The following ANKRD26 variants were observed in gnomAD, a reference collection of about 807,000 sequenced individuals.
ANKRD26 encodes the protein ankyrin repeat domain-containing protein 26.
Under a neutral mutation model 208.7 loss-of-function variants are expected in ANKRD26, and 141 were observed. That is an observed-to-expected ratio of 0.68 (90% CI 0.59 to 0.78). ANKRD26 has a LOEUF of 0.78. Among genes scored for constraint, ANKRD26 ranks in the 30% least tolerant of loss-of-function variants. The pLI is 0.00. For missense variants in ANKRD26, 1,889 were observed against 1,938.7 expected, an observed-to-expected ratio of 0.97 and a Z score of 0.48; for synonymous variants, 636 against 660.4, an observed-to-expected ratio of 0.96 and a Z score of 0.57.
chr10:27,094,627 A>G (rs925320171), intron 1 of ANKRD26, among the ~76,000 whole-genome samples: 4 of 152,246 alleles, frequency 2.6e-5, no homozygotes, highest in African/African-American at 9.6e-5. Flanking sequence ...GTTAGATATA[A>G]TTACCATTAC....
intron 5 of ANKRD26, among the ~76,000 whole-genome samples, chr10:26,992,700 G>C (rs1453753464): frequency 6.6e-6 from 1 of 152,110 alleles, no homozygotes; most frequent in African/African-American, 2.4e-5. Flanking sequence ...AAGCATGGCA[G>C]AACACTAATT....
At chr10:26,983,568 G>C (rs1271208407) in intron 3 of ANKRD26, among the ~76,000 whole-genome samples, 1 of 152,112 alleles carries the variant, frequency 6.6e-6, no homozygotes, top group Non-Finnish European at 1.5e-5. Flanking sequence ...TCTTTAATGT[G>C]GTTTCTTGGT....
At position 26,995,879 on chromosome 10, in the gene ANKRD26, A is replaced by G. The variant is rs988932851; in HGVS notation, c.563-732T>C. 2.0e-4 allele frequency among the ~76,000 whole-genome samples: 31 copies of G among 152,162 alleles called. 1 individual carries two copies. Among genetic ancestry groups the G allele is most frequent in the Non-Finnish European group, 1.5e-5 (1 of 68,020 alleles). On this transcript the variant is annotated intron_variant, in intron 4 of 5. Transcript: ENST00000445828. ...GATGAGCACTGAGTCCTGGGGAAAA[A>G]TTGGGTCCTCTAAATCGGCCTTTAA...
At chr10:27,038,295 C>T (rs1288657688) in intron 21 of ANKRD26, among the ~76,000 whole-genome samples, 4 of 151,976 alleles carry the variant, frequency 2.6e-5, no homozygotes, top group African/African-American at 9.7e-5. Context: ...GTTATGAGTA[C>T]CTCTGATAAA....
In ANKRD26 at chr10:27,100,272, G is replaced by T. The variant is rs752753239; in HGVS notation, c.55C>A (p.Arg19=). 7.5e-6 allele frequency: 12 copies of T among 1,609,958 alleles called. No individual in the cohort carries two copies. Among genetic ancestry groups the T allele is most frequent in the Non-Finnish European group, 1.0e-5 (12 of 1,179,154 alleles). The part of the protein sequence containing the change: ...GESPLGSFAR[R]QRSSAGGGGE... ...CCGCCTCCCGCGCTGCTCCTCTGCC[G>T]CCGCGCGAAGGAGCCCAAGGGCGAC... Residue 19 remains arginine (R), a synonymous_variant, in exon 1 of 34, where the codon CGG becomes AGG. Transcript: ENST00000376087.
intron 15 of ANKRD26, among the ~76,000 whole-genome samples, chr10:27,057,021 G>T (rs995943672): frequency 3.3e-5 from 5 of 152,112 alleles, no homozygotes; most frequent in African/African-American, 1.2e-4. Context: ...CACTGACTGT[G>T]ATACAGATAG....
intron 2 of ANKRD26, 52 bp downstream of exon 2, chr10:27,093,633 T>C (rs1462460233): frequency 3.1e-6 from 5 of 1,594,130 alleles, no homozygotes; most frequent in Non-Finnish European, 4.3e-6. Flanking sequence ...ATTTTCATTC[T>C]ATGTATTTAA....
intron 4 of ANKRD26, among the ~76,000 whole-genome samples, chr10:27,089,644 T>C (rs1347816008): frequency 6.6e-6 from 1 of 152,108 alleles, no homozygotes; most frequent in African/African-American, 2.4e-5. Flanking sequence ...TACATAAAAT[T>C]AGCCGGGCAT....
At chr10:27,025,354 A>T (rs1223690322) in intron 27 of ANKRD26, among the ~76,000 whole-genome samples, 1 of 152,050 alleles carries the variant, frequency 6.6e-6, no homozygotes, top group Non-Finnish European at 1.5e-5. Context: ...CATATTTTTT[A>T]GAGACAGAGT....
chr10:27,051,778 T>C, intron 16 of ANKRD26: 1 of 985,350 alleles, frequency 1.0e-6, no homozygotes, highest in Non-Finnish European at 1.2e-6. Context: ...AGTATATTAT[T>C]TGTCAAAGAA....
At chr10:27,028,412 C>T (rs538609719) in intron 27 of ANKRD26, among the ~76,000 whole-genome samples, 4 of 151,588 alleles carry the variant, frequency 2.6e-5, no homozygotes, top group African/African-American at 4.8e-5. Flanking sequence ...CTGGCTAACA[C>T]GGTGAAACCC....
chr10:26,995,138 CAGA>C lies in ANKRD26; in HGVS notation c.569_571del (p.Ser191del), dbSNP rs539353711. On this transcript the variant is annotated inframe_deletion, in exon 5 of 6. Coordinates refer to the ANKRD26 transcript ENST00000445828. ...AGAACATAGTCATGAGGGGTTTCAT[CAGA>C]AGGTCCCTGGAATAGAGTGGCAGGA... is the stretch of plus-strand genomic sequence containing the variant. The C allele has an allele frequency of 4.0e-5, 19 of 471,146 alleles. No homozygotes were observed. In the East Asian group the frequency reaches 1.3e-3, roughly 33 times the overall value. 29.2% of individuals were successfully genotyped at this position (471,146 alleles called of 1,614,324 possible).
At chr10:27,041,780 A>C (rs2054248810) in intron 20 of ANKRD26, among the ~76,000 whole-genome samples, 1 of 152,182 alleles carries the variant, frequency 6.6e-6, no homozygotes, top group Non-Finnish European at 1.5e-5. Context: ...AGAGGAAGGA[A>C]GAGAGACAGA....
At position 27,035,266 on chromosome 10, in the gene ANKRD26, G is replaced by T. The variant is rs763827709; in HGVS notation, c.3184C>A (p.Leu1062Ile). The T allele has an allele frequency of 6.2e-7, 1 of 1,613,908 alleles. No homozygotes were observed. Among genetic ancestry groups the T allele is most frequent in the Non-Finnish European group, 8.5e-7 (1 of 1,179,882 alleles). Residue 1062 changes from leucine to isoleucine, a missense_variant, in exon 24 of 34, where the codon CTT becomes ATT. Around this residue, in one of 3 missense-constraint regions of ANKRD26, gnomAD observed 1,272 missense variants for 1,273.8 expected, o/e 1.00. Transcript: ENST00000376087. ...TCAGTTTTAAATAGTTGTTGAGAAA[G>T]AATCTCATTGTTATCTTTTAGGTTA... ...VSNLKDNNEI[L>I]SQQLFKTESK...
rs1468745314 is a variant in ANKRD26, at chr10:27,034,505, CT to C, written c.3654+290del. ...CTTAAGATGTGGCAACATAAAGACA[CT>C]AAAATTATTACTTCAGCAGTAAAAG... On this transcript the variant is annotated intron_variant, in intron 24 of 33. Coordinates refer to ENST00000376087, the MANE Select transcript of ANKRD26 (RefSeq NM_014915.3). 3.3e-5 allele frequency among the ~76,000 whole-genome samples: 5 copies of C among 152,208 alleles called. No individual in the cohort carries two copies. In the East Asian group the frequency reaches 9.6e-4, roughly 29 times the overall value.
intron 5 of ANKRD26, among the ~76,000 whole-genome samples, chr10:26,976,179 C>T (rs964926872): frequency 6.6e-6 from 1 of 151,906 alleles, no homozygotes; most frequent in African/African-American, 2.4e-5. Flanking sequence ...CCTCATCTTG[C>T]ATTCTTTGCA....
chr10:27,028,297 T>A (rs1589239128), intron 27 of ANKRD26, among the ~76,000 whole-genome samples: 1 of 152,070 alleles, frequency 6.6e-6, no homozygotes, highest in East Asian at 1.9e-4. Context: ...AAATTATTTT[T>A]AAAATATTCA....
downstream of ANKRD26, among the ~76,000 whole-genome samples, chr10:26,973,840 A>G (rs186547564): frequency 2.0e-5 from 3 of 151,508 alleles, no homozygotes; most frequent in East Asian, 5.8e-4. Context: ...TTTTTTTAGT[A>G]GAGACGGGGT....
intron 6 of ANKRD26, chr10:27,080,856 C>T (rs2055881071): frequency 1.0e-6 from 1 of 985,342 alleles, no homozygotes; most frequent in Non-Finnish European, 1.2e-6. Flanking sequence ...ATTTGGGTTG[C>T]TCCATGACTG....
Sources: gnomAD v4.1 joint callset for allele counts (sites outside exome capture counted in the v4.1 genomes callset) on GRCh38, gnomAD v4.1.1 for gene constraint, gnomAD v4.1.1 regional missense constraint, MANE v1.5 for transcripts, NCBI Gene and HGNC (gene_info 2026-07-23, HGNC 2026-07-21) for gene names.